YWHAE: variants seen among roughly 807,000 people sequenced by gnomAD.
YWHAE encodes 14-3-3 protein epsilon.
YWHAE carries 4 observed loss-of-function variants against 30.1 expected under a neutral mutation model. The ratio of observed to expected loss-of-function variants is 0.13; its 90% confidence interval spans 0.07 to 0.30. The LOEUF is 0.30. Among genes scored for constraint, YWHAE ranks in the 10% least tolerant of loss-of-function variants. The probability of loss-of-function intolerance (pLI) is 1.00; values close to 1 mark genes in which losing one functional copy is unlikely to be tolerated. For missense variants in YWHAE, 121 were observed against 315.9 expected, an observed-to-expected ratio of 0.38 and a Z score of 4.68; for synonymous variants, 118 against 111.8, an observed-to-expected ratio of 1.06 and a Z score of -0.35.
intron 1 of YWHAE, among the ~76,000 whole-genome samples, chr17:1,388,118 G>GTTTTTTTTTTTTTTTT (rs1297503908): frequency 1.9e-4 from 3 of 15,500 alleles, no homozygotes; most frequent in African/African-American, 1.0e-3. Flanking sequence ...TTTTTGGTTG[G>GTTTTTTTTTTTTTTTT]TTTTTTTTTT....
At chr17:1,359,926 A>G (rs1365917056) in intron 4 of YWHAE, among the ~76,000 whole-genome samples, 36 of 4,440 alleles carry the variant, frequency 8.1e-3, no homozygotes, top group Admixed American at 0.019. Context: ...GGGGAGGGGG[A>G]GGGGGGGAGG....
intron 1 of YWHAE, among the ~76,000 whole-genome samples, chr17:1,380,379 G>A (rs58135876): frequency 0.077 from 11,694 of 152,004 alleles, 516 homozygotes; most frequent in African/African-American, 0.11. Flanking sequence ...TCCAAAGTGC[G>A]TGAGCCACCG....
At chr17:1,370,778 C>CCT (rs1567970495) in intron 1 of YWHAE, among the ~76,000 whole-genome samples, 1 of 151,834 alleles carries the variant, frequency 6.6e-6, no homozygotes, top group Non-Finnish European at 1.5e-5. Flanking sequence ...GGGCAGATCA[C>CCT]GAGGTCAGGA....
chr17:1,378,628 A>G (rs1270771695), intron 1 of YWHAE, among the ~76,000 whole-genome samples: 1 of 152,218 alleles, frequency 6.6e-6, no homozygotes, highest in Non-Finnish European at 1.5e-5. Flanking sequence ...TTCAGGAGCA[A>G]TACTACTCGT....
At position 1,386,133 on chromosome 17, in the gene YWHAE, A is replaced by C. The variant is rs2073297104; in HGVS notation, c.64+13914T>G. Among the ~76,000 whole-genome samples, 4 of 152,208 alleles carry C rather than the reference A, an allele frequency of 2.6e-5. No individual in the cohort carries two copies. The South Asian group carries it at 8.3e-4, about 32-fold the overall frequency. On this transcript the variant is annotated intron_variant, in intron 1 of 5. Transcript: ENST00000264335. ...GCATGGCTGTTTGGATAACAAGTGA[A>C]AGAAATAGCCAATAAACAGTAGATG...
intron 1 of YWHAE, among the ~76,000 whole-genome samples, chr17:1,398,600 GATTCCA>G (rs1213917968): frequency 3.3e-5 from 5 of 152,114 alleles, no homozygotes; most frequent in African/African-American, 1.2e-4. Context: ...AAAGATACTT[GATTCCA>G]ACCATGTCTC....
In YWHAE at chr17:1,349,907, G is replaced by A. The variant is rs112032755; in HGVS notation, c.715+4304C>T. The stretch of plus-strand genomic sequence containing the variant: ...GGGATTAACCGGCGTGAGCCACTGC[G>A]CCCAGCCGAATTTCACTAGATTTTT... On this transcript the variant is annotated intron_variant, in intron 5 of 5. Transcript: ENST00000264335. Among the ~76,000 whole-genome samples, 1,013 of 147,190 alleles carry A rather than the reference G, an allele frequency of 6.9e-3. 15 individuals carry two copies. Among genetic ancestry groups the A allele is most frequent in the African/African-American group, 0.017 (671 of 39,770 alleles).
chr17:1,387,800 A>G (rs566093232), intron 1 of YWHAE, among the ~76,000 whole-genome samples: 12 of 147,272 alleles, frequency 8.1e-5, no homozygotes, highest in Non-Finnish European at 1.5e-4. Flanking sequence ...TTTTTTGTAT[A>G]TTTAGTAGAG....
At chr17:1,370,119 CTTTTTTTTT>C (rs538497835) in intron 1 of YWHAE, among the ~76,000 whole-genome samples, 29 of 76,348 alleles carry the variant, frequency 3.8e-4, no homozygotes, top group African/African-American at 1.4e-3. Context: ...CACAGAAAAA[CTTTTTTTTT>C]TTTTTTTTTT....
intron 1 of YWHAE, among the ~76,000 whole-genome samples, chr17:1,376,776 G>A (rs1157303370): frequency 6.6e-6 from 1 of 152,124 alleles, no homozygotes; most frequent in African/African-American, 2.4e-5. Context: ...AGGCTGACAA[G>A]TCACAAGGCA....
intron 1 of YWHAE, among the ~76,000 whole-genome samples, chr17:1,387,344 G>A (rs774377222): frequency 2.0e-5 from 3 of 152,132 alleles, no homozygotes; most frequent in Non-Finnish European, 2.9e-5. Flanking sequence ...AACCTGAGGT[G>A]GAAAATAAGA....
At chr17:1,375,095 C>CAAGAGTATG (rs1296559020) in intron 1 of YWHAE, among the ~76,000 whole-genome samples, 1 of 152,134 alleles carries the variant, frequency 6.6e-6, no homozygotes, top group East Asian at 1.9e-4. Context: ...ATCACTCCTT[C>CAAGAGTATG]AAGAGTATGG....
chr17:1,361,350 T>A lies in YWHAE; in HGVS notation c.372-52A>T, dbSNP rs759334548. 2.1e-6 allele frequency: 3 copies of A among 1,455,968 alleles called. No homozygotes were observed. In the African/African-American group the frequency reaches 4.3e-5, roughly 21 times the overall value. 90.2% of individuals were successfully genotyped at this position (1,455,968 alleles called of 1,614,324 possible). A position where few individuals can be genotyped will look rare whatever the true frequency, so the allele number is the denominator to read the frequency against. On this transcript the variant is annotated intron_variant, in intron 3 of 5. Coordinates refer to ENST00000264335, the MANE Select transcript of YWHAE (RefSeq NM_006761.5). ...AAAAAAAAATTTAAACTAGGAACGA[T>A]TTTTAAAGGAAAATAAGCTAAAATT...
chr17:1,370,312 T>C (rs572360956), intron 1 of YWHAE, among the ~76,000 whole-genome samples: 2,922 of 151,618 alleles, frequency 0.019, 41 homozygotes, highest in Non-Finnish European at 0.031. Context: ...TGTGTATTTT[T>C]AGTAGAGGCG....
intron 1 of YWHAE, among the ~76,000 whole-genome samples, chr17:1,379,770 G>A (rs575986402): frequency 1.3e-5 from 2 of 152,298 alleles, no homozygotes; most frequent in South Asian, 4.1e-4. Context: ...AGTTGGACAA[G>A]ATTTAGGAAA....
At chr17:1,361,377 T>C in intron 3 of YWHAE, 79 bp from the exon 4 acceptor site, 2 of 1,203,456 alleles carry the variant, frequency 1.7e-6, no homozygotes, top group Non-Finnish European at 2.3e-6. Flanking sequence ...GCTAAAATTG[T>C]TCTATATTAT....
At chr17:1,386,478 C>T (rs1338927039) in intron 1 of YWHAE, among the ~76,000 whole-genome samples, 4 of 152,220 alleles carry the variant, frequency 2.6e-5, no homozygotes, top group Non-Finnish European at 5.9e-5. Context: ...GTGTCTAGAA[C>T]AGTGCCTGGT....
chr17:1,355,944 G>C (rs527343286), intron 4 of YWHAE, among the ~76,000 whole-genome samples: 1 of 152,196 alleles, frequency 6.6e-6, no homozygotes, highest in East Asian at 1.9e-4. Flanking sequence ...AGAAGCGGGC[G>C]GATCACGTGG....
intron 1 of YWHAE, among the ~76,000 whole-genome samples, chr17:1,378,342 G>A (rs1332342222): frequency 6.6e-6 from 1 of 152,120 alleles, no homozygotes; most frequent in Non-Finnish European, 1.5e-5. Context: ...AACCTCCAAG[G>A]AATGAATAAA....
Sources: allele counts gnomAD v4.1 joint callset (sites outside exome capture counted in the v4.1 genomes callset), GRCh38; gene constraint gnomAD v4.1.1; transcripts MANE v1.5; gene names NCBI Gene and HGNC (gene_info 2026-07-23, HGNC 2026-07-21).